The following PAX3 variants were observed in gnomAD, a reference collection of about 807,000 sequenced individuals.
PAX3 encodes paired box protein Pax-3.
PAX3 carries 14 observed loss-of-function variants against 51.6 expected under a neutral mutation model. The observed-to-expected ratio is 0.27, with a 90% confidence interval of 0.18 to 0.42. The LOEUF (loss-of-function observed/expected upper bound fraction) is 0.42. Among genes scored for constraint, PAX3 ranks in the 10% least tolerant of loss-of-function variants. The pLI is 1.00. For missense variants in PAX3, 540 were observed against 642.8 expected (o/e 0.84, Z 1.73); for synonymous variants, 280 against 253.4 (o/e 1.11, Z -1.00).
chr2:222,219,991 G>A lies in PAX3; in HGVS notation c.1173+149C>T. On this transcript the variant is annotated intron_variant, in intron 7 of 8. Transcript: ENST00000392070. ...ATGAAGCCAGTAGGAAGGGTGGAGA[G>A]AAAGGAAACCAGAAAACTGAAATCA... The A allele has an allele frequency of 8.4e-6, 6 of 712,604 alleles. No homozygotes were observed. In the South Asian group the frequency reaches 1.1e-4, roughly 13 times the overall value. 44.1% of individuals were successfully genotyped at this position (712,604 alleles called of 1,614,324 possible). A position where few individuals can be genotyped will look rare whatever the true frequency, so the allele number is the denominator to read the frequency against.
chr2:222,208,538 G>T (rs1236911146), intron 7 of PAX3, among the ~76,000 whole-genome samples: 1 of 152,046 alleles, frequency 6.6e-6, no homozygotes, highest in Non-Finnish European at 1.5e-5. Flanking sequence ...AACAGATGTG[G>T]GTCAGATACC....
chr2:222,268,628 G>T (rs907285817), intron 4 of PAX3, among the ~76,000 whole-genome samples: 2 of 152,150 alleles, frequency 1.3e-5, no homozygotes, highest in Non-Finnish European at 2.9e-5. Context: ...TTCCACGGGG[G>T]GTTGGGGGGC....
At chr2:222,209,888 C>A (rs1006184792) in intron 7 of PAX3, among the ~76,000 whole-genome samples, 2 of 151,938 alleles carry the variant, frequency 1.3e-5, no homozygotes, top group African/African-American at 4.8e-5. Context: ...GACTCTCTGT[C>A]TCAAAAAAAA....
chr2:222,248,546 G>A (rs747431769), intron 4 of PAX3, among the ~76,000 whole-genome samples: 6 of 152,180 alleles, frequency 3.9e-5, no homozygotes, highest in Non-Finnish European at 8.8e-5. Flanking sequence ...ACAACTTGCA[G>A]GTCAACTCTT....
At chr2:222,293,610 A>G in intron 4 of PAX3, 1 of 1,610,760 alleles carries the variant, frequency 6.2e-7, no homozygotes, top group East Asian at 2.2e-5. Context: ...ACATTTGAAA[A>G]TCAACTTCAA....
At chr2:222,204,327 T>C (rs1234515309) in intron 7 of PAX3, among the ~76,000 whole-genome samples, 1 of 152,182 alleles carries the variant, frequency 6.6e-6, no homozygotes. Context: ...TAAGAATGCA[T>C]TTAAATTAGT....
intron 4 of PAX3, among the ~76,000 whole-genome samples, chr2:222,233,484 CA>C (rs1186113846): frequency 6.6e-6 from 1 of 152,098 alleles, no homozygotes; most frequent in Admixed American, 6.6e-5. Context: ...TTGATGAGGG[CA>C]GGGGTGGAGC....
intron 7 of PAX3, among the ~76,000 whole-genome samples, chr2:222,217,671 T>A (rs1425993516): frequency 2.6e-5 from 4 of 152,190 alleles, no homozygotes; most frequent in Non-Finnish European, 4.4e-5. Flanking sequence ...ATATTCATAA[T>A]CACTCTATGA....
intron 4 of PAX3, among the ~76,000 whole-genome samples, chr2:222,290,603 A>G (rs1044675825): frequency 5.3e-5 from 8 of 152,188 alleles, no homozygotes; most frequent in African/African-American, 1.9e-4. Context: ...TGCCACTTCA[A>G]AGCTGCTACA....
intron 7 of PAX3, among the ~76,000 whole-genome samples, chr2:222,216,159 T>A (rs531563971): frequency 5.8e-4 from 89 of 152,188 alleles, no homozygotes; most frequent in Non-Finnish European, 1.1e-3. Flanking sequence ...CTTAGGACAT[T>A]ATGCTTCCTC....
intron 7 of PAX3, among the ~76,000 whole-genome samples, chr2:222,208,272 A>G (rs989420711): frequency 3.3e-5 from 5 of 151,990 alleles, no homozygotes; most frequent in Non-Finnish European, 5.9e-5. Context: ...GGAAAAGAAC[A>G]TGTGCAATAT....
intron 5 of PAX3, among the ~76,000 whole-genome samples, chr2:222,231,246 A>G (rs943957168): frequency 3.9e-5 from 6 of 152,206 alleles, no homozygotes; most frequent in Admixed American, 3.9e-4. Context: ...TGGAAATAAC[A>G]CACAATATTT....
intron 4 of PAX3, among the ~76,000 whole-genome samples, chr2:222,281,951 G>T (rs984499622): frequency 6.6e-6 from 1 of 152,188 alleles, no homozygotes; most frequent in African/African-American, 2.4e-5. Context: ...CTAGAATTAA[G>T]AAAATGCATC....
At chr2:222,287,379 A>G (rs577613225) in intron 4 of PAX3, 19 of 152,348 alleles carry the variant, frequency 1.2e-4, no homozygotes, top group African/African-American at 4.6e-4. Flanking sequence ...ACAATACCTG[A>G]ATTTTCTTCA....
At chr2:222,266,905 C>A (rs929783941) in intron 4 of PAX3, among the ~76,000 whole-genome samples, 1 of 152,194 alleles carries the variant, frequency 6.6e-6, no homozygotes, top group African/African-American at 2.4e-5. Context: ...TATGAAATCA[C>A]ATGGCATTGA....
At chr2:222,288,780 CTGG>C (rs1694924134) in intron 4 of PAX3, among the ~76,000 whole-genome samples, 4 of 152,188 alleles carry the variant, frequency 2.6e-5, no homozygotes, top group African/African-American at 9.7e-5. Context: ...CAACATGTAA[CTGG>C]TTTCAGTTCC....
At chr2:222,210,260 C>A (rs1203959222) in intron 7 of PAX3, among the ~76,000 whole-genome samples, 1 of 152,124 alleles carries the variant, frequency 6.6e-6, no homozygotes, top group African/African-American at 2.4e-5. Context: ...GAAAAATGCT[C>A]CTCAATTGAT....
intron 7 of PAX3, among the ~76,000 whole-genome samples, chr2:222,205,585 C>A (rs1229356726): frequency 6.6e-6 from 1 of 152,160 alleles, no homozygotes; most frequent in Non-Finnish European, 1.5e-5. Flanking sequence ...ACAGCACTAA[C>A]ATTTTCCTAC....
At chr2:222,272,409 T>C (rs1232386640) in intron 4 of PAX3, among the ~76,000 whole-genome samples, 1 of 152,232 alleles carries the variant, frequency 6.6e-6, no homozygotes, top group Non-Finnish European at 1.5e-5. Flanking sequence ...TGCTGTAGGC[T>C]TCAATGGGTA....
Sources: gnomAD v4.1 joint callset for allele counts (sites outside exome capture counted in the v4.1 genomes callset) on GRCh38, gnomAD v4.1.1 for gene constraint, MANE v1.5 for transcripts, NCBI Gene and HGNC (gene_info 2026-07-23, HGNC 2026-07-21) for gene names.